TMPRSS5: variants seen among roughly 807,000 people sequenced by gnomAD.
TMPRSS5 encodes transmembrane protease serine 5.
In TMPRSS5, 45 loss-of-function variants were observed where a neutral mutation model predicts 59.7. The observed-to-expected ratio is 0.75, with a 90% CI of 0.59 to 0.97. The LOEUF (loss-of-function observed/expected upper bound fraction) is 0.97, where lower values mean the gene tolerates loss of function less well. TMPRSS5 is among the 50% of genes least tolerant of loss of function. The pLI is 0.00. For missense variants in TMPRSS5, 585 were observed against 596.7 expected (o/e 0.98, Z 0.20); for synonymous variants, 225 against 232.0 (o/e 0.97, Z 0.27).
chr11:113,699,624 G>A lies in TMPRSS5; in HGVS notation c.176C>T (p.Ala59Val), dbSNP rs1220904630. 1 of 1,582,248 alleles carries A rather than the reference G, an allele frequency of 6.3e-7. No individual in the cohort carries two copies. Residue 59 changes from alanine to valine, a missense_variant, in exon 3 of 13, where the codon GCC becomes GTC. Physicochemically the swap from Ala to Val is moderately conservative, Grantham distance 64. Coordinates refer to ENST00000299882, the MANE Select transcript of TMPRSS5 (RefSeq NM_030770.4). ...CAVLGALGLL[A>V]GAGVGSWLLV... ...GAGCCATGAGCCAACACCTGCACCGGCCAGCAGCCCCAGGGCTCCCAGCAC... is the reference window on the plus strand; with the variant it reads ...GAGCCATGAGCCAACACCTGCACCGACCAGCAGCCCCAGGGCTCCCAGCAC...
At chr11:113,696,142 C>T (rs180896731) in intron 6 of TMPRSS5, among the ~76,000 whole-genome samples, 1 of 152,278 alleles carries the variant, frequency 6.6e-6, no homozygotes, top group Non-Finnish European at 1.5e-5. Context: ...CAGAACCTTC[C>T]CAACTCCAGC....
intron 9 of TMPRSS5, among the ~76,000 whole-genome samples, chr11:113,692,479 C>T (rs1056514310): frequency 6.6e-6 from 1 of 152,124 alleles, no homozygotes; most frequent in African/African-American, 2.4e-5. Context: ...TAGGTGAATG[C>T]CCACATGCAC....
At chr11:113,688,311 G>T in intron 12 of TMPRSS5, 37 bp from the exon 13 acceptor site, 1 of 1,447,900 alleles carries the variant, frequency 6.9e-7, no homozygotes, top group Non-Finnish European at 9.5e-7. Context: ...TCACAGCATG[G>T]CTCTACACTA....
intron 7 of TMPRSS5, 126 bp downstream of exon 7, chr11:113,695,273 TG>T: frequency 2.1e-6 from 2 of 949,530 alleles, no homozygotes; most frequent in Non-Finnish European, 3.2e-6. Flanking sequence ...GGCAGGCAGA[TG>T]GGCAGGTGGG....
chr11:113,705,703 G>T (rs1263037959), intron 1 of TMPRSS5, among the ~76,000 whole-genome samples: 2 of 152,224 alleles, frequency 1.3e-5, no homozygotes, highest in Admixed American at 6.5e-5. Context: ...CTGGGGTTGT[G>T]TGATTGCTCT....
rs1953091904 is a variant in TMPRSS5 at position 113,700,187 on chromosome 11, G to A, written c.4-19C>T. The A allele has an allele frequency of 1.3e-6, 2 of 1,518,742 alleles. No homozygotes were observed. Among genetic ancestry groups the A allele is most frequent in the African/African-American group, 1.4e-5 (1 of 72,750 alleles). 94.1% of individuals were successfully genotyped at this position (1,518,742 alleles called of 1,614,324 possible). ...TCAGGCTCTGGGGAAATAAGGGCCA[G>A]ACACCCAGGATCCCCACATCAAGGA... On this transcript the variant is annotated intron_variant, in intron 1 of 12. Transcript: ENST00000299882.
At chr11:113,695,146 G>C (rs1210546685) in intron 7 of TMPRSS5, among the ~76,000 whole-genome samples, 1 of 152,226 alleles carries the variant, frequency 6.6e-6, no homozygotes, top group Admixed American at 6.5e-5. Flanking sequence ...CCAAGGAAGA[G>C]AGTGGCAGGT....
chr11:113,688,102 G>T lies in TMPRSS5; in HGVS notation c.*158C>A. ...AGAGGAGAGACCTGTTGGCTGGGTG[G>T]CTGGCCAGTGGGTAGTGACTGTTCC... On this transcript the variant is annotated 3_prime_UTR_variant, in exon 13 of 13. Coordinates refer to ENST00000299882, the MANE Select transcript of TMPRSS5 (RefSeq NM_030770.4). The T allele has an allele frequency of 8.2e-7, 1 of 1,219,078 alleles. No individual in the cohort carries two copies. The highest frequency in any genetic ancestry group is 1.1e-6 in the Non-Finnish European group (1 of 938,706). The allele number at this position is 1,219,078 out of a possible 1,614,324, so 75.5% of individuals were successfully genotyped here.
At chr11:113,701,775 CTTTCT>C (rs1178346593) in intron 1 of TMPRSS5, among the ~76,000 whole-genome samples, 1 of 75,268 alleles carries the variant, frequency 1.3e-5, no homozygotes, top group Non-Finnish European at 2.3e-5. Flanking sequence ...GACATATAGT[CTTTCT>C]TTTTTTTTTA....
At position 113,689,818 on chromosome 11, in the gene TMPRSS5, C is replaced by T; in HGVS notation, c.1306G>A (p.Gly436Ser). ...AACTCAGCTACCTTGGCGTAGACACCTGGGTGATTGGGCTCTGCGCAGCCA... is the reference window on the plus strand; with the variant it reads ...AACTCAGCTACCTTGGCGTAGACACTTGGGTGATTGGGCTCTGCGCAGCCA... ...GRGCAEPNHP[G>S]VYAKVAEFLD... The change falls in exon 12 of 13, where the codon GGT becomes AGT. Residue 436 changes from glycine (G) to serine (S), a missense_variant. Physicochemically the swap from Gly to Ser is moderately conservative, Grantham distance 56. Transcript: ENST00000299882. The T allele has an allele frequency of 6.2e-7, 1 of 1,605,728 alleles. No homozygotes were observed. The highest frequency in any genetic ancestry group is 8.5e-7 in the Non-Finnish European group (1 of 1,176,356).
chr11:113,695,309 A>G, intron 7 of TMPRSS5, 91 bp downstream of exon 7: 1 of 1,417,512 alleles, frequency 7.1e-7, no homozygotes. Context: ...CAGGCCCAGC[A>G]GAGTCTCACC....
At chr11:113,688,487 C>A (rs1193435558) in intron 12 of TMPRSS5, among the ~76,000 whole-genome samples, 1 of 152,150 alleles carries the variant, frequency 6.6e-6, no homozygotes, top group East Asian at 1.9e-4. Flanking sequence ...TATCTACCAA[C>A]CCCCACCCCT....
rs1162268638 is a variant in TMPRSS5, at chr11:113,690,825, C to A, written c.1063+16G>T. 6.4e-7 allele frequency: 1 copy of A among 1,570,170 alleles called. No homozygotes were observed. The highest frequency in any genetic ancestry group is 8.6e-7 in the Non-Finnish European group (1 of 1,157,564). On this transcript the variant is annotated intron_variant, in intron 10 of 12. Coordinates refer to ENST00000299882, the MANE Select transcript of TMPRSS5 (RefSeq NM_030770.4). ...CACACCCGCCCCTGCACCGAGGGCC[C>A]AGGGAGCTGACTCACTATGGCTAGG...
chr11:113,700,249 T>A (rs1360119555), intron 1 of TMPRSS5, 81 bp from the exon 2 acceptor site: 10 of 1,258,546 alleles, frequency 7.9e-6, no homozygotes, highest in Admixed American at 2.9e-5. Flanking sequence ...CAAGTCCCCA[T>A]TCTTTAACCC....
At chr11:113,690,176 G>GCC in intron 11 of TMPRSS5, 55 bp downstream of exon 11, 17 of 388,216 alleles carry the variant, frequency 4.4e-5, no homozygotes, top group Non-Finnish European at 5.4e-5. Context: ...CAGGCCCCCT[G>GCC]CCCTCCCACC....
At chr11:113,692,452 A>ATGTG (rs1491461587) in intron 9 of TMPRSS5, among the ~76,000 whole-genome samples, 1 of 151,650 alleles carries the variant, frequency 6.6e-6, no homozygotes, top group South Asian at 2.1e-4. Context: ...GTGTGAGTGC[A>ATGTG]TGTGTGTGTG....
chr11:113,691,891 T>TC (rs1565256024), intron 9 of TMPRSS5, among the ~76,000 whole-genome samples: 1 of 107,860 alleles, frequency 9.3e-6, no homozygotes, highest in Non-Finnish European at 1.9e-5. Flanking sequence ...TCCTTTTTTT[T>TC]CTTTTTTTTT....
Position 113,690,938 on chromosome 11 carries a change from G to A in TMPRSS5, c.966C>T (p.Asp322=), listed in dbSNP as rs1415418272. ...CCGGCAGGCACACAGCGCCCACAGTGTCTGTAGAGAGGCACATGGTCCTGG... is the reference window on the plus strand; with the variant it reads ...CCGGCAGGCACACAGCGCCCACAGTATCTGTAGAGAGGCACATGGTCCTGG... The part of the protein sequence containing the change: ...LRLQTALNFS[D]TVGAVCLPAK... The change falls in exon 10 of 13, where the codon GAC becomes GAT. Residue 322 remains aspartate (D), a splice_region_variant and synonymous_variant. Coordinates refer to ENST00000299882, the MANE Select transcript of TMPRSS5 (RefSeq NM_030770.4). The A allele has an allele frequency of 6.3e-7, 1 of 1,582,196 alleles. No individual in the cohort carries two copies. Among genetic ancestry groups the A allele is most frequent in the Admixed American group, 1.8e-5 (1 of 54,900 alleles).
intron 9 of TMPRSS5, 24 bp from the exon 10 acceptor site, chr11:113,690,963 G>A: frequency 6.4e-7 from 1 of 1,560,904 alleles, no homozygotes; most frequent in Non-Finnish European, 8.7e-7. Flanking sequence ...CATGGTCCTG[G>A]TCCCCAGTCA....
Sources: gnomAD v4.1 joint callset for allele counts (sites outside exome capture counted in the v4.1 genomes callset) on GRCh38, gnomAD v4.1.1 for gene constraint, MANE v1.5 for transcripts, NCBI Gene and HGNC (gene_info 2026-07-23, HGNC 2026-07-21) for gene names.